Variants in CCNB2 observed in about 807,000 individuals in gnomAD.
CCNB2 encodes cyclin B2.
In CCNB2, 39 loss-of-function variants were observed where a neutral mutation model predicts 51.1. The ratio of observed to expected loss-of-function variants is 0.76; its 90% CI spans 0.59 to 1.00. The LOEUF (loss-of-function observed/expected upper bound fraction) is 1.00. CCNB2 is among the 50% of genes least tolerant of loss of function. The pLI, the probability that CCNB2 is intolerant of heterozygous loss-of-function variation, is 0.00. For synonymous variants in CCNB2, 174 were observed against 165.5 expected (o/e 1.05, Z -0.40); for missense variants, 472 against 470.3 (o/e 1.00, Z -0.03).
At chr15:59,106,495 A>C (rs768578006) in intron 1 of CCNB2, among the ~76,000 whole-genome samples, 24 of 152,228 alleles carry the variant, frequency 1.6e-4, no homozygotes, top group Non-Finnish European at 3.4e-4. Flanking sequence ...GGGATAGGAC[A>C]TGCTGGTTTT....
Position 59,125,015 on chromosome 15 carries a change from A to G in CCNB2, c.*138A>G. The stretch of plus-strand genomic sequence containing the variant: ...CCAGTTTTCTAAACATATATTGAGG[A>G]AAAATAAAGCGATTGGTTTTTCTTA... On this transcript the variant is annotated 3_prime_UTR_variant, in exon 9 of 9. Coordinates refer to ENST00000288207, the MANE Select transcript of CCNB2 (RefSeq NM_004701.4). 2.0e-6 allele frequency: 1 copy of G among 497,986 alleles called. No homozygotes were observed. Among genetic ancestry groups the G allele is most frequent in the Non-Finnish European group, 3.5e-6 (1 of 281,916 alleles). The allele number at this position is 497,986 out of a possible 1,614,324, so 30.8% of individuals were successfully genotyped here. A position where few individuals can be genotyped will look rare whatever the true frequency, so the allele number is the denominator to read the frequency against.
At chr15:59,111,703 G>A (rs1430717908) in intron 3 of CCNB2, among the ~76,000 whole-genome samples, 1 of 152,060 alleles carries the variant, frequency 6.6e-6, no homozygotes, top group Non-Finnish European at 1.5e-5. Context: ...GCAGTTCCCA[G>A]AATTGCCTTG....
chr15:59,114,510 G>T lies in CCNB2; in HGVS notation c.334G>T (p.Ala112Ser). The change falls in exon 4 of 9, where the codon GCC (alanine) becomes TCC (serine). Residue 112 changes from alanine (A) to serine (S), a missense_variant. Physicochemically the swap from Ala to Ser is moderately conservative, Grantham distance 99. Transcript: ENST00000288207. ...GAATCTCTGCCAAGCTTTTTCTGAT[G>T]CCTTGCTCTGCAAAATCGAGGACAT... ...EENLCQAFSDALLCKIEDIDN... is the reference protein window; with the variant it reads ...EENLCQAFSDSLLCKIEDIDN... The T allele has an allele frequency of 6.2e-7, 1 of 1,613,960 alleles. No homozygotes were observed. The highest frequency in any genetic ancestry group is 1.1e-5 in the South Asian group (1 of 91,050).
At chr15:59,107,267 A>G (rs1213867067) in intron 1 of CCNB2, 55 bp from the exon 2 acceptor site, 1 of 1,503,506 alleles carries the variant, frequency 6.7e-7, no homozygotes, top group African/African-American at 1.4e-5. Context: ...ATCTAACATT[A>G]GCAAAGTATT....
At chr15:59,123,696 G>A (rs367645517) in intron 8 of CCNB2, 69 bp downstream of exon 8, 25 of 764,322 alleles carry the variant, frequency 3.3e-5, no homozygotes, top group South Asian at 5.9e-5. Flanking sequence ...TGTTGGGCGG[G>A]GGGGGGCGGT....
At chr15:59,115,400 G>A (rs1463459899) in intron 5 of CCNB2, 1 of 153,486 alleles carries the variant, frequency 6.5e-6, no homozygotes, top group Non-Finnish European at 1.5e-5. Context: ...GACTGAGAAT[G>A]TAGTGTAATA....
chr15:59,112,418 C>T (rs1476126209), intron 3 of CCNB2, among the ~76,000 whole-genome samples: 3 of 151,554 alleles, frequency 2.0e-5, no homozygotes, highest in Non-Finnish European at 2.9e-5. Context: ...GATCTCCGCT[C>T]ACTGCAACCT....
At chr15:59,116,984 C>G in intron 6 of CCNB2, 58 bp downstream of exon 6, 1 of 1,385,870 alleles carries the variant, frequency 7.2e-7, no homozygotes, top group South Asian at 1.2e-5. Context: ...TCCCAGAAAC[C>G]TTGACCTAAT....
At chr15:59,117,081 C>G in intron 6 of CCNB2, 147 bp from the exon 7 acceptor site, 1 of 995,932 alleles carries the variant, frequency 1.0e-6, no homozygotes, top group East Asian at 2.4e-5. Flanking sequence ...GCCTCATGAT[C>G]TATGTTTACA....
intron 7 of CCNB2, among the ~76,000 whole-genome samples, chr15:59,120,041 G>C (rs16941042): frequency 0.048 from 7,271 of 152,106 alleles, 405 homozygotes; most frequent in African/African-American, 0.13. Flanking sequence ...AAAAACAAAA[G>C]GTTAGTCCTC....
chr15:59,120,806 C>T (rs1159143455), intron 7 of CCNB2, among the ~76,000 whole-genome samples: 2 of 152,186 alleles, frequency 1.3e-5, no homozygotes, highest in African/African-American at 2.4e-5. Context: ...CTTATTAATT[C>T]TGTAACAAAA....
chr15:59,117,998 A>T (rs2079286031), intron 7 of CCNB2, among the ~76,000 whole-genome samples: 1 of 152,228 alleles, frequency 6.6e-6, no homozygotes, highest in African/African-American at 2.4e-5. Context: ...TTGACTATAC[A>T]TACTAAGGTG....
chr15:59,121,964 AG>A (rs1183830509), intron 7 of CCNB2, among the ~76,000 whole-genome samples: 103 of 115,666 alleles, frequency 8.9e-4, no homozygotes, highest in African/African-American at 1.4e-3. Context: ...AAAAAAAAGG[AG>A]AAATTACCCA....
chr15:59,116,271 G>A (rs2079278316), intron 5 of CCNB2, among the ~76,000 whole-genome samples: 2 of 152,122 alleles, frequency 1.3e-5, no homozygotes, highest in African/African-American at 4.8e-5. Context: ...ACCATGTTTA[G>A]TGTGTCAGGC....
intron 8 of CCNB2, chr15:59,124,526 G>A: frequency 2.0e-6 from 1 of 496,788 alleles, no homozygotes; most frequent in Admixed American, 3.7e-5. Context: ...CTGCTACTTG[G>A]ACCTTGAAAT....
intron 3 of CCNB2, among the ~76,000 whole-genome samples, chr15:59,107,953 G>A (rs935384450): frequency 6.6e-6 from 1 of 152,058 alleles, no homozygotes; most frequent in African/African-American, 2.4e-5. Flanking sequence ...GTGCTATAAT[G>A]GTGCCACTGC....
rs759364007 is a variant in CCNB2 at position 59,124,856 on chromosome 15, C to T, written c.1176C>T (p.Ser392=). 14 of 1,598,346 alleles carry T rather than the reference C, an allele frequency of 8.8e-6. No individual in the cohort carries two copies. The Admixed American group carries it at 2.2e-4, about 26-fold the overall frequency. The change falls in exon 9 of 9, where the codon TCC becomes TCT. Residue 392 remains serine, a synonymous_variant. Transcript: ENST00000288207. The part of the protein sequence containing the change: ...LNSKAVKDLA[S]PLIGRS ...CAAAAGCCGTCAAAGACCTTGCCTC[C>T]CCACTGATAGGAAGGTCCTAGGCTG...
At position 59,117,241 on chromosome 15, in the gene CCNB2, A is replaced by G. The variant is rs1596331978; in HGVS notation, c.848A>G (p.Gln283Arg). Reference sequence around the variant, plus strand: ...GTTCTTTCTTAGGTTGATGTTGAACAGCACACTTTAGCCAAGTATTTGATG... The same window carrying G: ...GTTCTTTCTTAGGTTGATGTTGAACGGCACACTTTAGCCAAGTATTTGATG... ...ASKAGEVDVE[Q>R]HTLAKYLMEL... The change falls in exon 7 of 9, where the codon CAG becomes CGG. Residue 283 changes from glutamine to arginine, a missense_variant. Gln to Arg is a conservative substitution (Grantham distance 43). Coordinates refer to ENST00000288207, the MANE Select transcript of CCNB2 (RefSeq NM_004701.4). 1 of 1,612,880 alleles carries G rather than the reference A, an allele frequency of 6.2e-7. No individual in the cohort carries two copies. Among genetic ancestry groups the G allele is most frequent in the Non-Finnish European group, 8.5e-7 (1 of 1,179,912 alleles).
At chr15:59,117,058 C>G in intron 6 of CCNB2, 132 bp downstream of exon 6, 1 of 983,336 alleles carries the variant, frequency 1.0e-6, no homozygotes, top group South Asian at 1.6e-5. Context: ...CTCATCAGTT[C>G]TTAAGAGAAA....
Sources: allele counts gnomAD v4.1 joint callset (sites outside exome capture counted in the v4.1 genomes callset), GRCh38; gene constraint gnomAD v4.1.1; transcripts MANE v1.5; gene names NCBI Gene and HGNC (gene_info 2026-07-23, HGNC 2026-07-21).